KAZN: variants seen among roughly 807,000 people sequenced by gnomAD.
KAZN encodes the protein kazrin.
Under a neutral mutation model 87.4 loss-of-function variants are expected in KAZN, and 40 were observed. The observed-to-expected ratio is 0.46, with a 90% CI of 0.36 to 0.60. KAZN has a LOEUF of 0.60. KAZN is among the 20% of genes least tolerant of loss of function. The pLI is 0.00. For missense variants in KAZN, 898 were observed against 1,073.9 expected (o/e 0.84, Z 2.29); for synonymous variants, 466 against 458.3 (o/e 1.02, Z -0.22).
chr1:14,039,096 G>C (rs1199427273), intron 1 of KAZN, among the ~76,000 whole-genome samples: 2 of 151,178 alleles, frequency 1.3e-5, no homozygotes, highest in African/African-American at 4.9e-5. Context: ...ACTTGAACCA[G>C]GGAGTAGGAG....
At chr1:14,285,961 C>T (rs886731210) in intron 2 of KAZN, among the ~76,000 whole-genome samples, 11 of 152,272 alleles carry the variant, frequency 7.2e-5, no homozygotes, top group African/African-American at 1.2e-4. Context: ...AGACTAAAGA[C>T]GCCATATCAA....
chr1:14,219,205 G>C (rs1280961115), intron 2 of KAZN, among the ~76,000 whole-genome samples: 1 of 152,080 alleles, frequency 6.6e-6, no homozygotes, highest in Non-Finnish European at 1.5e-5. Flanking sequence ...GTATAATCAG[G>C]TGATAAAACT....
At chr1:14,319,561 C>A (rs1398545312) in intron 2 of KAZN, among the ~76,000 whole-genome samples, 1 of 152,188 alleles carries the variant, frequency 6.6e-6, no homozygotes, top group Non-Finnish European at 1.5e-5. Context: ...CTCTCCCGAA[C>A]TCAACCCTCA....
chr1:13,957,467 C>T (rs1488124301), intron 1 of KAZN, among the ~76,000 whole-genome samples: 2 of 152,022 alleles, frequency 1.3e-5, no homozygotes, highest in East Asian at 1.9e-4. Context: ...TTGGGTACCC[C>T]TGTGTTTTAG....
chr1:14,577,838 T>G (rs1262260710), intron 2 of KAZN, among the ~76,000 whole-genome samples: 1 of 152,164 alleles, frequency 6.6e-6, no homozygotes, highest in Non-Finnish European at 1.5e-5. Context: ...CAAGATATTA[T>G]CATGCCCATT....
At chr1:15,083,078 G>A (rs1268848282) in intron 8 of KAZN, among the ~76,000 whole-genome samples, 1 of 152,144 alleles carries the variant, frequency 6.6e-6, no homozygotes, top group Non-Finnish European at 1.5e-5. Flanking sequence ...TTTAGCCCTA[G>A]AATTCTGAAT....
At chr1:15,060,059 C>G (rs1377707365) in intron 5 of KAZN, 113 bp from the exon 6 acceptor site, 1 of 1,384,162 alleles carries the variant, frequency 7.2e-7, no homozygotes, top group Non-Finnish European at 9.9e-7. Flanking sequence ...CCCTTCTCTA[C>G]ACCTCAGTGT....
intron 2 of KAZN, among the ~76,000 whole-genome samples, chr1:14,395,318 T>C (rs1222282455): frequency 1.3e-5 from 2 of 152,214 alleles, no homozygotes; most frequent in African/African-American, 2.4e-5. Flanking sequence ...ATGTACTACC[T>C]ATAACATTCT....
At position 14,022,558 on chromosome 1, in the gene KAZN, G is replaced by C. The variant is rs552102401; in HGVS notation, c.91+128802G>C. On this transcript the variant is annotated intron_variant, in intron 1 of 16. Coordinates refer to the KAZN transcript ENST00000636203. ...ATAAAAATAACAAACAAAAACTGTG[G>C]ATTTTATATGTCGTATGATGCAGCG... Among the ~76,000 whole-genome samples the C allele has an allele frequency of 9.9e-4, 148 of 149,642 alleles. 6 individuals are homozygous for C. In the South Asian group the frequency reaches 0.029, roughly 29 times the overall value.
intron 10 of KAZN, among the ~76,000 whole-genome samples, chr1:15,098,112 A>G (rs932436662): frequency 1.3e-5 from 2 of 152,246 alleles, no homozygotes; most frequent in African/African-American, 2.4e-5. Context: ...TCAAGGTCCC[A>G]GAGCTAAAAA....
chr1:14,450,785 G>C (rs1667229470), intron 2 of KAZN, among the ~76,000 whole-genome samples: 1 of 152,032 alleles, frequency 6.6e-6, no homozygotes, highest in South Asian at 2.1e-4. Flanking sequence ...TGAGAAGAGG[G>C]TGCTTGGCTG....
chr1:14,021,204 A>G (rs1275971539), intron 1 of KAZN, among the ~76,000 whole-genome samples: 1 of 152,160 alleles, frequency 6.6e-6, no homozygotes, highest in Non-Finnish European at 1.5e-5. Flanking sequence ...CCACTCCCCA[A>G]TTATAACAAC....
intron 1 of KAZN, among the ~76,000 whole-genome samples, chr1:14,938,922 T>TA (rs1444768576): frequency 2.0e-5 from 3 of 152,236 alleles, no homozygotes; most frequent in African/African-American, 7.2e-5. Flanking sequence ...CTGTGTGCAA[T>TA]ACAATGGATT....
intron 1 of KAZN, among the ~76,000 whole-genome samples, chr1:14,782,799 G>T (rs541625749): frequency 1.3e-4 from 20 of 152,066 alleles, no homozygotes; most frequent in Non-Finnish European, 2.4e-4. Flanking sequence ...TTCCTGAGTC[G>T]CTGGAGGAAT....
chr1:14,008,519 G>A (rs866646722), intron 1 of KAZN, among the ~76,000 whole-genome samples: 2 of 152,176 alleles, frequency 1.3e-5, no homozygotes, highest in African/African-American at 4.8e-5. Context: ...ACTAATGTGT[G>A]TCAAACCCAG....
At chr1:13,986,378 G>A (rs1639018450) in intron 1 of KAZN, among the ~76,000 whole-genome samples, 2 of 152,116 alleles carry the variant, frequency 1.3e-5, no homozygotes, top group African/African-American at 2.4e-5. Context: ...TTAACTTGCT[G>A]CAGTGAACAA....
At chr1:14,384,299 C>A (rs1661660629) in intron 2 of KAZN, among the ~76,000 whole-genome samples, 1 of 151,900 alleles carries the variant, frequency 6.6e-6, no homozygotes, top group South Asian at 2.1e-4. Context: ...TAATTGAATA[C>A]CCTTTATTTC....
At position 14,599,684 on chromosome 1, in the gene KAZN, C is replaced by T. The variant is rs531650754; in HGVS notation, c.226+461C>T. Among the ~76,000 whole-genome samples the T allele has an allele frequency of 1.2e-4, 19 of 152,358 alleles. No individual in the cohort carries two copies. In the East Asian group the frequency reaches 3.7e-3, roughly 29 times the overall value. ...GGATAGAGGATTGCACTGCTGTGCA[C>T]TTTTCTCCGCGGATGCCAAATCCCT... On this transcript the variant is annotated intron_variant, in intron 1 of 14. Coordinates refer to ENST00000376030, the MANE Select transcript of KAZN (RefSeq NM_201628.3). This position sits in a 1 kb window ranked among gnomAD's most constrained non-coding sequence, Gnocchi z 4.4.
intron 1 of KAZN, among the ~76,000 whole-genome samples, chr1:14,681,475 A>G (rs1453342988): frequency 6.6e-6 from 1 of 151,032 alleles, no homozygotes; most frequent in Non-Finnish European, 1.5e-5. Context: ...AGACCAACTC[A>G]TGACTGTAAT....
Sources: gnomAD v4.1 joint callset for allele counts (sites outside exome capture counted in the v4.1 genomes callset) on GRCh38, gnomAD v4.1.1 for gene constraint, Gnocchi (gnomAD v3.1) non-coding constraint, MANE v1.5 for transcripts, NCBI Gene and HGNC (gene_info 2026-07-23, HGNC 2026-07-21) for gene names.